MOCOS: variants seen among roughly 807,000 people sequenced by gnomAD.
MOCOS encodes the protein molybdenum cofactor sulfurase.
MOCOS carries 86 observed loss-of-function variants against 83.6 expected under a neutral mutation model. The ratio of observed to expected loss-of-function variants is 1.03; its 90% CI spans 0.86 to 1.23. The LOEUF (loss-of-function observed/expected upper bound fraction) is 1.23. MOCOS is among the 50% of genes most tolerant of loss of function. The probability of loss-of-function intolerance (pLI) is 0.00; values close to 1 mark genes in which losing one functional copy is unlikely to be tolerated. For synonymous variants in MOCOS, 445 were observed against 434.7 expected, an observed-to-expected ratio of 1.02 and a Z score of -0.29; for missense variants, 1,120 against 1,126.9, an observed-to-expected ratio of 0.99 and a Z score of 0.09.
At chr18:36,249,808 AG>A (rs1404559177) in intron 10 of MOCOS, among the ~76,000 whole-genome samples, 1 of 152,082 alleles carries the variant, frequency 6.6e-6, no homozygotes, top group African/African-American at 2.4e-5. Context: ...GCTGAGGGTG[AG>A]GGGGGTTATC....
At chr18:36,208,693 C>T (rs1423747177) in intron 6 of MOCOS, among the ~76,000 whole-genome samples, 1 of 152,126 alleles carries the variant, frequency 6.6e-6, no homozygotes, top group Non-Finnish European at 1.5e-5. Flanking sequence ...AGCCTTTGGG[C>T]AGAGATTATG....
chr18:36,195,385 A>G (rs770844101), intron 2 of MOCOS, 39 bp downstream of exon 2: 5 of 1,500,182 alleles, frequency 3.3e-6, no homozygotes, highest in Non-Finnish European at 3.7e-6. Flanking sequence ...AGTCAACTAC[A>G]TGCAGCTGAT....
intron 11 of MOCOS, among the ~76,000 whole-genome samples, 154 bp downstream of exon 11, chr18:36,251,437 A>G (rs2091621566): frequency 6.6e-6 from 1 of 152,190 alleles, no homozygotes; most frequent in African/African-American, 2.4e-5. Flanking sequence ...CAGTAGCCCC[A>G]GGTCAGCAGG....
At chr18:36,220,342 C>CAAA (rs200612707) in intron 9 of MOCOS, 125 bp downstream of exon 9, 168 of 843,932 alleles carry the variant, frequency 2.0e-4, no homozygotes, top group South Asian at 5.2e-4. Flanking sequence ...CTCATCTCTA[C>CAAA]AAAAAAAAAA....
intron 9 of MOCOS, among the ~76,000 whole-genome samples, chr18:36,225,332 T>C (rs681124): frequency 0.46 from 69,422 of 151,744 alleles, 16,950 homozygotes; most frequent in Admixed American, 0.54. Flanking sequence ...TTGTACTTTT[T>C]GTAGAGAGAG....
At chr18:36,259,711 G>C (rs1304298497) in intron 12 of MOCOS, among the ~76,000 whole-genome samples, 1 of 152,162 alleles carries the variant, frequency 6.6e-6, no homozygotes, top group Non-Finnish European at 1.5e-5. Flanking sequence ...TGTGTTCTCA[G>C]AAGTTCCTTT....
chr18:36,204,765 G>A (rs2091427963), intron 5 of MOCOS, among the ~76,000 whole-genome samples: 1 of 152,074 alleles, frequency 6.6e-6, no homozygotes, highest in African/African-American at 2.4e-5. Flanking sequence ...GGCTGAGGCA[G>A]GTGGATTACT....
chr18:36,201,387 G>A (rs537338128), intron 4 of MOCOS, among the ~76,000 whole-genome samples: 1 of 152,176 alleles, frequency 6.6e-6, no homozygotes, highest in African/African-American at 2.4e-5. Flanking sequence ...TATTGGGTCG[G>A]GTGTGGTGGC....
chr18:36,246,340 C>G (rs1400158373), intron 9 of MOCOS, among the ~76,000 whole-genome samples: 6 of 152,230 alleles, frequency 3.9e-5, no homozygotes, highest in African/African-American at 1.4e-4. Context: ...TGCTCTCCCC[C>G]TTCCTCTAAG....
chr18:36,189,209 G>A lies in MOCOS; in HGVS notation c.142+1528G>A, dbSNP rs79185073. 9.6e-3 allele frequency among the ~76,000 whole-genome samples: 1,463 copies of A among 152,226 alleles called. 34 individuals are homozygous for A. The highest frequency in any genetic ancestry group is 0.033 in the African/African-American group (1,386 of 41,536). Reference sequence around the variant, plus strand: ...CCTGGTTTCACTCTTGTCCCTCAGAGAACAGTACTTTTCCCCTCAAATGCA... The same window carrying A: ...CCTGGTTTCACTCTTGTCCCTCAGAAAACAGTACTTTTCCCCTCAAATGCA... On this transcript the variant is annotated intron_variant, in intron 1 of 14. Coordinates refer to ENST00000261326, the MANE Select transcript of MOCOS (RefSeq NM_017947.4).
chr18:36,192,485 T>G (rs1407247381), intron 1 of MOCOS, among the ~76,000 whole-genome samples: 1 of 152,194 alleles, frequency 6.6e-6, no homozygotes, highest in Non-Finnish European at 1.5e-5. Context: ...CCTGTACTGA[T>G]GGGTTGGAAG....
In MOCOS at chr18:36,205,373, G is replaced by A. The variant is rs141147395; in HGVS notation, c.1218+97G>A. On this transcript the variant is annotated intron_variant, in intron 6 of 14. Transcript: ENST00000261326. ...ACAAAGTCCATGCACTGTTGAAGAG[G>A]CCACCAGGCCCTCAGCCACATGCCT... is the stretch of plus-strand genomic sequence containing the variant. 1.0e-3 allele frequency: 1,275 copies of A among 1,248,232 alleles called. 4 individuals are homozygous for A. In the African/African-American group the frequency reaches 0.016, roughly 15 times the overall value. 77.3% of individuals were successfully genotyped at this position (1,248,232 alleles called of 1,614,324 possible). A position where few individuals can be genotyped will look rare whatever the true frequency, so the allele number is the denominator to read the frequency against.
At chr18:36,232,883 CACACA>C (rs1165153879) in intron 9 of MOCOS, among the ~76,000 whole-genome samples, 1 of 140,340 alleles carries the variant, frequency 7.1e-6, no homozygotes, top group East Asian at 2.1e-4. Flanking sequence ...CACACACACA[CACACA>C]CCATTTTCTT....
chr18:36,220,040 T>C lies in MOCOS; in HGVS notation c.1798-15T>C, dbSNP rs1463218121. On this transcript the variant is annotated splice_polypyrimidine_tract_variant and intron_variant, in intron 8 of 14. Transcript: ENST00000261326. ...GGGGAGCCCTGGCCTGAGACACGTC[T>C]ACCTTTTTGTTTAGGTGACCAGGTG... 6.2e-7 allele frequency: 1 copy of C among 1,612,504 alleles called. No individual in the cohort carries two copies. The highest frequency in any genetic ancestry group is 1.3e-5 in the African/African-American group (1 of 74,988).
chr18:36,244,250 A>G (rs1333819362), intron 9 of MOCOS, among the ~76,000 whole-genome samples: 1 of 151,894 alleles, frequency 6.6e-6, no homozygotes, highest in East Asian at 1.9e-4. Flanking sequence ...TTTTTGATGT[A>G]GGCATTTACT....
chr18:36,262,740 G>A (rs974666047), intron 13 of MOCOS, among the ~76,000 whole-genome samples: 2 of 152,134 alleles, frequency 1.3e-5, no homozygotes, highest in African/African-American at 4.8e-5. Context: ...CTCAAGTGAC[G>A]TGCTAGCCTC....
intron 6 of MOCOS, among the ~76,000 whole-genome samples, chr18:36,208,715 G>T (rs1016896068): frequency 6.6e-6 from 1 of 152,116 alleles, no homozygotes; most frequent in Admixed American, 6.6e-5. Context: ...GATTTTCCGG[G>T]TATAGAATCA....
intron 1 of MOCOS, among the ~76,000 whole-genome samples, chr18:36,191,523 C>T (rs777549155): frequency 6.6e-6 from 1 of 152,320 alleles, no homozygotes. Flanking sequence ...AGCTCACTGC[C>T]GCCTTGACCT....
rs372179010 is a variant in MOCOS, at chr18:36,225,286, G to C, written c.1960+5069G>C. On this transcript the variant is annotated intron_variant, in intron 9 of 14. Coordinates refer to ENST00000261326, the MANE Select transcript of MOCOS (RefSeq NM_017947.4). The stretch of plus-strand genomic sequence containing the variant: ...CCTGCCTCAGCCTCCCGAGTAGCTG[G>C]GACTACAGGTGCGCACCACCATGCC... Among the ~76,000 whole-genome samples, 339 of 152,164 alleles carry C rather than the reference G, an allele frequency of 2.2e-3. 1 individual carries two copies. The highest frequency in any genetic ancestry group is 7.0e-3 in the African/African-American group (291 of 41,516).
Sources: allele counts gnomAD v4.1 joint callset (sites outside exome capture counted in the v4.1 genomes callset), GRCh38; gene constraint gnomAD v4.1.1; transcripts MANE v1.5; gene names NCBI Gene and HGNC (gene_info 2026-07-23, HGNC 2026-07-21).